DYNC1LI1: variants seen among roughly 807,000 people sequenced by gnomAD.
The protein encoded by DYNC1LI1 is dynein cytoplasmic 1 light intermediate chain 1, also known as cytoplasmic dynein 1 light intermediate chain 1.
Under a neutral mutation model 63.8 loss-of-function variants are expected in DYNC1LI1, and 19 were observed. That is an observed-to-expected ratio of 0.30 (90% CI 0.21 to 0.44). The LOEUF (loss-of-function observed/expected upper bound fraction) is 0.44, where lower values mean the gene tolerates loss of function less well. Among genes scored for constraint, DYNC1LI1 ranks in the 20% least tolerant of loss-of-function variants. The pLI is 1.00. For missense variants in DYNC1LI1, 565 were observed against 630.2 expected, an observed-to-expected ratio of 0.90 and a Z score of 1.11; for synonymous variants, 225 against 232.3, an observed-to-expected ratio of 0.97 and a Z score of 0.28.
At chr3:32,562,498 C>A (rs1003567273) in intron 2 of DYNC1LI1, among the ~76,000 whole-genome samples, 1 of 152,070 alleles carries the variant, frequency 6.6e-6, no homozygotes, top group African/African-American at 2.4e-5. Flanking sequence ...TGCCACCACA[C>A]CAGCTATTTA....
rs151322643 is a variant in DYNC1LI1 at position 32,534,568 on chromosome 3, A to G, written c.911T>C (p.Leu304Pro). 1,092 of 1,600,406 alleles carry G rather than the reference A, an allele frequency of 6.8e-4. 9 individuals are homozygous for G. The highest frequency in any genetic ancestry group is 7.7e-5 in the Non-Finnish European group (90 of 1,169,632). ...DLVYKYIVQK[L>P]YGFPYKIPAV... ...AGGAATCTTATAGGGAAATCCATAT[A>G]GTTTCTGAACGATGTATTTATATAC... is the stretch of plus-strand genomic sequence containing the variant. The change falls in exon 7 of 13, where the codon CTA becomes CCA. Residue 304 changes from leucine (L) to proline (P), a missense_variant. Coordinates refer to ENST00000273130, the MANE Select transcript of DYNC1LI1 (RefSeq NM_016141.4).
intron 2 of DYNC1LI1, among the ~76,000 whole-genome samples, chr3:32,555,045 G>C (rs897260775): frequency 2.1e-4 from 32 of 151,570 alleles, no homozygotes; most frequent in African/African-American, 7.3e-4. Context: ...AGTTTTTGTG[G>C]TTTTAGTAGA....
At chr3:32,541,505 C>T (rs1697882204) in intron 4 of DYNC1LI1, among the ~76,000 whole-genome samples, 11 of 152,128 alleles carry the variant, frequency 7.2e-5, no homozygotes, top group Admixed American at 7.2e-4. Context: ...TGTCTCTCTA[C>T]CTTCTCTAAT....
In DYNC1LI1 at chr3:32,544,981, G is replaced by A; in HGVS notation, c.463C>T (p.Pro155Ser). 6.2e-7 allele frequency: 1 copy of A among 1,613,980 alleles called. No homozygotes were observed. The highest frequency in any genetic ancestry group is 8.5e-7 in the Non-Finnish European group (1 of 1,179,918). ...LVMLVVDMSK[P>S]WTALDSLQKW... Reference sequence around the variant, plus strand: ...TGTAAAGAATCCAAAGCAGTCCAAGGCTTTGACATGTCAACAACCAGCATA... The same window carrying A: ...TGTAAAGAATCCAAAGCAGTCCAAGACTTTGACATGTCAACAACCAGCATA... The change falls in exon 4 of 13, where the codon CCT (proline) becomes TCT (serine). Residue 155 changes from proline (P) to serine (S), a missense_variant. By Grantham distance (74) the Pro-to-Ser change is moderately conservative. Transcript: ENST00000273130.
chr3:32,552,890 G>A (rs1454561419), intron 2 of DYNC1LI1, among the ~76,000 whole-genome samples: 1 of 152,058 alleles, frequency 6.6e-6, no homozygotes, highest in Non-Finnish European at 1.5e-5. Flanking sequence ...ATTTTTAGTA[G>A]AGAAGGGGTT....
chr3:32,526,844 A>C lies in DYNC1LI1; in HGVS notation c.1527T>G (p.Val509=). Residue 509 remains valine, a synonymous_variant, in exon 13 of 13, where the codon GTT becomes GTG. Transcript: ENST00000273130. ...TAGGAGATGTAGGTGTTGTGGGAGAAACTGTAACTGGTTTTCGTGTAATTC... is the reference window on the plus strand; with the variant it reads ...TAGGAGATGTAGGTGTTGTGGGAGACACTGTAACTGGTTTTCGTGTAATTC... ...LDRITRKPVT[V]SPTTPTSPTE... 1.9e-6 allele frequency: 3 copies of C among 1,614,094 alleles called. No homozygotes were observed. Among genetic ancestry groups the C allele is most frequent in the Non-Finnish European group, 2.5e-6 (3 of 1,179,956 alleles).
At position 32,558,419 on chromosome 3, in the gene DYNC1LI1, A is replaced by AG. The variant is rs1202457645; in HGVS notation, c.220+11926_220+11927insC. Among the ~76,000 whole-genome samples the AG allele has an allele frequency of 5.3e-5, 8 of 151,448 alleles. 1 individual carries two copies. Among genetic ancestry groups the AG allele is most frequent in the South Asian group, 4.2e-4 (2 of 4,804 alleles). ...TTAAAAATGTAAAAAAAAAAAAAAA[A>AG]AAAAAAGAAAAGAAAAAGAAAATCT... On this transcript the variant is annotated intron_variant, in intron 2 of 12. Transcript: ENST00000273130.
rs559273371 is a variant in DYNC1LI1 at position 32,564,802 on chromosome 3, T to A, written c.220+5544A>T. On this transcript the variant is annotated intron_variant, in intron 2 of 12. Coordinates refer to ENST00000273130, the MANE Select transcript of DYNC1LI1 (RefSeq NM_016141.4). ...CTTGATGATCTTTAATCCCAGCTCCTCACCAAATCAATAGTTTTAGACTGA... is the reference window on the plus strand; with the variant it reads ...CTTGATGATCTTTAATCCCAGCTCCACACCAAATCAATAGTTTTAGACTGA... Among the ~76,000 whole-genome samples, 61 of 152,280 alleles carry A rather than the reference T, an allele frequency of 4.0e-4. 2 individuals are homozygous for A. The South Asian group carries it at 0.012, about 31-fold the overall frequency.
rs749531273 is a variant in DYNC1LI1 at position 32,552,619 on chromosome 3, T to C, written c.221-6654A>G. 3.3e-5 allele frequency among the ~76,000 whole-genome samples: 5 copies of C among 152,238 alleles called. No homozygotes were observed. The East Asian group carries it at 5.8e-4, about 18-fold the overall frequency. On this transcript the variant is annotated intron_variant, in intron 2 of 12. Coordinates refer to ENST00000273130, the MANE Select transcript of DYNC1LI1 (RefSeq NM_016141.4). Reference sequence around the variant, plus strand: ...CATTTCTATTTTGTTCACTGCTGCATCCCTAGTACCTAAAAAGCACATGTG... The same window carrying C: ...CATTTCTATTTTGTTCACTGCTGCACCCCTAGTACCTAAAAAGCACATGTG...
chr3:32,562,904 C>T (rs928477467), intron 2 of DYNC1LI1, among the ~76,000 whole-genome samples: 2 of 152,278 alleles, frequency 1.3e-5, no homozygotes, highest in Admixed American at 6.5e-5. Context: ...TAAACTGCCT[C>T]GGCCCTTTTC....
intron 11 of DYNC1LI1, among the ~76,000 whole-genome samples, chr3:32,528,995 C>T (rs1697659565): frequency 6.6e-6 from 1 of 151,856 alleles, no homozygotes; most frequent in African/African-American, 2.4e-5. Context: ...CAAATGATAG[C>T]AATAAACAAT....
intron 6 of DYNC1LI1, 44 bp downstream of exon 6, chr3:32,536,967 G>C: frequency 8.9e-7 from 1 of 1,129,702 alleles, no homozygotes; most frequent in Non-Finnish European, 1.3e-6. Context: ...AACTAAAACA[G>C]GTAAAGTGAT....
Position 32,567,257 on chromosome 3 carries a change from C to A in DYNC1LI1, c.220+3089G>T, listed in dbSNP as rs1037353091. 3.9e-5 allele frequency among the ~76,000 whole-genome samples: 6 copies of A among 152,306 alleles called. No individual in the cohort carries two copies. The East Asian group carries it at 1.2e-3, about 29-fold the overall frequency. ...AGGTCTCTACAATTCATTACCCCATCTATAAATTGGTGCCCTGATCAGGGA... is the reference window on the plus strand; with the variant it reads ...AGGTCTCTACAATTCATTACCCCATATATAAATTGGTGCCCTGATCAGGGA... On this transcript the variant is annotated intron_variant, in intron 2 of 12. Transcript: ENST00000273130.
chr3:32,545,466 G>T, intron 3 of DYNC1LI1: 1 of 329,100 alleles, frequency 3.0e-6, no homozygotes, highest in Non-Finnish European at 5.5e-6. Flanking sequence ...AAAATGAGAA[G>T]GCAAGTGATC....
At chr3:32,556,495 A>T (rs1698116334) in intron 2 of DYNC1LI1, among the ~76,000 whole-genome samples, 1 of 152,168 alleles carries the variant, frequency 6.6e-6, no homozygotes, top group Non-Finnish European at 1.5e-5. Context: ...TTATGTACAG[A>T]TCTTTCACCA....
At position 32,570,348 on chromosome 3, in the gene DYNC1LI1, A is replaced by T. The variant is rs769477365; in HGVS notation, c.218T>A (p.Leu73Gln). ...GGGGCGAGGCAGGGAACACTTACCC[A>T]GCAGTAGCACGTTCTTCCCCGCAGG... ...KLPAGKNVLL[L>Q]GEDGAGKTSL... Residue 73 changes from leucine to glutamine, a missense_variant and splice_region_variant, in exon 2 of 13, where the codon CTG becomes CAG. Physicochemically the swap from Leu to Gln is moderately radical, Grantham distance 113. Transcript: ENST00000273130. 6.3e-7 allele frequency: 1 copy of T among 1,581,354 alleles called. No individual in the cohort carries two copies. The highest frequency in any genetic ancestry group is 8.6e-7 in the Non-Finnish European group (1 of 1,159,562).
chr3:32,555,786 G>A (rs942756893), intron 2 of DYNC1LI1, among the ~76,000 whole-genome samples: 5 of 152,166 alleles, frequency 3.3e-5, no homozygotes, highest in Non-Finnish European at 7.3e-5. Context: ...ACTGATATCT[G>A]CAACTTACAC....
In DYNC1LI1 at chr3:32,570,392, G is replaced by A. The variant is rs1269282092; in HGVS notation, c.174C>T (p.Thr58=). The change falls in exon 2 of 13, where the codon ACC becomes ACT. Residue 58 remains threonine, a synonymous_variant. Coordinates refer to ENST00000273130, the MANE Select transcript of DYNC1LI1 (RefSeq NM_016141.4). ...CCGCAGGGAGCTTGGAGCGCGAGCG[G>A]GTGGAGACCTCGCTGAGGATGCAGG... ...LWSCILSEVS[T]RSRSKLPAGK... is the part of the protein sequence containing the mutation. 2 of 1,606,790 alleles carry A rather than the reference G, an allele frequency of 1.2e-6. No homozygotes were observed. Among genetic ancestry groups the A allele is most frequent in the East Asian group, 2.2e-5 (1 of 44,644 alleles).
intron 2 of DYNC1LI1, among the ~76,000 whole-genome samples, chr3:32,569,780 A>C (rs1418047060): frequency 6.6e-6 from 1 of 152,208 alleles, no homozygotes; most frequent in African/African-American, 2.4e-5. Context: ...AAAAGACTTA[A>C]CTAGAAAGTT....
Sources: allele counts gnomAD v4.1 joint callset (sites outside exome capture counted in the v4.1 genomes callset), GRCh38; gene constraint gnomAD v4.1.1; transcripts MANE v1.5; gene names NCBI Gene and HGNC (gene_info 2026-07-23, HGNC 2026-07-21).